Variants in OR51E2 observed in about 807,000 individuals in gnomAD.
OR51E2 encodes olfactory receptor 51E2.
OR51E2 carries 14 observed loss-of-function variants against 13.7 expected under a neutral mutation model. The ratio of observed to expected loss-of-function variants is 1.02; its 90% CI spans 0.68 to 1.60. The LOEUF (loss-of-function observed/expected upper bound fraction) is 1.60, where lower values mean the gene tolerates loss of function less well. OR51E2 is among the 40% of genes most tolerant of loss of function. The probability of loss-of-function intolerance (pLI) is 0.00; values close to 1 mark genes in which losing one functional copy is unlikely to be tolerated. For missense variants in OR51E2, 483 were observed against 413.8 expected, an observed-to-expected ratio of 1.17 and a Z score of -1.45; for synonymous variants, 180 against 157.6, an observed-to-expected ratio of 1.14 and a Z score of -1.07.
Position 4,680,753 on chromosome 11 carries a change from T to G in OR51E2, c.*996A>C, listed in dbSNP as rs750170955. 4 of 152,400 alleles carry G rather than the reference T, an allele frequency of 2.6e-5. No homozygotes were observed. Among genetic ancestry groups the G allele is most frequent in the Non-Finnish European group, 5.9e-5 (4 of 68,046 alleles). 9.4% of individuals were successfully genotyped at this position (152,400 alleles called of 1,614,324 possible). A position where few individuals can be genotyped will look rare whatever the true frequency, so the allele number is the denominator to read the frequency against. ...ATTGTGAGCACACATGAGATGTTCATTGGCATTATTATTAAGGGCTTATAT... is the reference window on the plus strand; with the variant it reads ...ATTGTGAGCACACATGAGATGTTCAGTGGCATTATTATTAAGGGCTTATAT... On this transcript the variant is annotated 3_prime_UTR_variant, in exon 2 of 2. Coordinates refer to ENST00000396950, the MANE Select transcript of OR51E2 (RefSeq NM_030774.4).
chr11:4,689,662 T>C (rs1847554303), intron 1 of OR51E2, among the ~76,000 whole-genome samples: 1 of 152,150 alleles, frequency 6.6e-6, no homozygotes, highest in Non-Finnish European at 1.5e-5. Context: ...AATTGAGCCA[T>C]TACATGACCA....
intron 1 of OR51E2, among the ~76,000 whole-genome samples, chr11:4,693,565 C>CA (rs1220170171): frequency 2.6e-5 from 4 of 151,926 alleles, no homozygotes; most frequent in Admixed American, 1.3e-4. Context: ...ACTAAAAATA[C>CA]AAAAAATTAG....
Position 4,680,355 on chromosome 11 carries a change from C to A in OR51E2, c.*1394G>T, listed in dbSNP as rs147172970. The A allele has an allele frequency of 2.0e-5, 3 of 152,280 alleles. No individual in the cohort carries two copies. Among genetic ancestry groups the A allele is most frequent in the African/African-American group, 7.3e-5 (3 of 41,370 alleles). The allele number at this position is 152,280 out of a possible 1,614,324, so 9.4% of individuals were successfully genotyped here. ...TGGAAAAAAGCAAGCAATAAGATCA[C>A]GAAAGGCAGCTGTAAAACAGGATTA... On this transcript the variant is annotated 3_prime_UTR_variant, in exon 2 of 2. Coordinates refer to ENST00000396950, the MANE Select transcript of OR51E2 (RefSeq NM_030774.4).
intron 1 of OR51E2, among the ~76,000 whole-genome samples, chr11:4,686,658 T>G (rs932218034): frequency 1.3e-5 from 2 of 152,242 alleles, no homozygotes; most frequent in Non-Finnish European, 2.9e-5. Context: ...CGATCTTGTC[T>G]ATTTTTCCTT....
intron 1 of OR51E2, chr11:4,691,105 C>T (rs982229591): frequency 4.4e-6 from 2 of 456,728 alleles, no homozygotes; most frequent in Non-Finnish European, 8.8e-6. Context: ...GTCAGCCCAA[C>T]TGCACTGTTG....
intron 1 of OR51E2, among the ~76,000 whole-genome samples, chr11:4,685,281 A>G (rs2133246526): frequency 6.6e-6 from 1 of 152,184 alleles, no homozygotes; most frequent in South Asian, 2.1e-4. Context: ...AGCAACCTCA[A>G]AGCACCCACT....
At chr11:4,690,055 AATATAAATTAT>A (rs1187621197) in intron 1 of OR51E2, among the ~76,000 whole-genome samples, 2 of 148,058 alleles carry the variant, frequency 1.4e-5, no homozygotes, top group Non-Finnish European at 3.0e-5. Context: ...AATTTTTACA[AATATAAATTAT>A]ATATAAATTA....
chr11:4,682,408 A>G lies in OR51E2; in HGVS notation c.304T>C (p.Phe102Leu). 1.2e-6 allele frequency: 2 copies of G among 1,614,244 alleles called. No individual in the cohort carries two copies. Among genetic ancestry groups the G allele is most frequent in the Non-Finnish European group, 1.7e-6 (2 of 1,180,034 alleles). The change falls in exon 2 of 2, where the codon TTT becomes CTT. Residue 102 changes from phenylalanine to leucine, a missense_variant. By Grantham distance (22) the Phe-to-Leu change is conservative (BLOSUM62 0). Coordinates refer to ENST00000396950, the MANE Select transcript of OR51E2 (RefSeq NM_030774.4). ...SFEACLTQMF[F>L]IHALSAIEST... The stretch of plus-strand genomic sequence containing the variant: ...TCAATGGCTGAGAGGGCATGAATAA[A>G]GAACATCTGGGTAAGACAGGCCTCA...
At chr11:4,695,069 G>A (rs1847639300) in intron 1 of OR51E2, among the ~76,000 whole-genome samples, 1 of 152,124 alleles carries the variant, frequency 6.6e-6, no homozygotes, top group Non-Finnish European at 1.5e-5. Flanking sequence ...GTGAGGCTAG[G>A]TGCTGTGGGA....
chr11:4,687,985 G>C (rs997789481), intron 1 of OR51E2, among the ~76,000 whole-genome samples: 1 of 152,170 alleles, frequency 6.6e-6, no homozygotes, highest in Non-Finnish European at 1.5e-5. Flanking sequence ...ATTGTACAGA[G>C]GGGAAGCAAT....
At chr11:4,695,692 C>T (rs1199736319) in intron 1 of OR51E2, among the ~76,000 whole-genome samples, 3 of 152,028 alleles carry the variant, frequency 2.0e-5, no homozygotes, top group Admixed American at 2.0e-4. Context: ...TTTTTCTCTC[C>T]CTCATCTCAA....
chr11:4,692,020 A>G (rs1847588071), intron 1 of OR51E2: 1 of 339,006 alleles, frequency 2.9e-6, no homozygotes, highest in South Asian at 2.5e-5. Context: ...AAGAATAAAC[A>G]CTTTACCCTG....
At chr11:4,692,557 A>G (rs2133251783) in intron 1 of OR51E2, among the ~76,000 whole-genome samples, 2 of 152,346 alleles carry the variant, frequency 1.3e-5, no homozygotes, top group Admixed American at 1.3e-4. Context: ...TATTGCAAAC[A>G]TCACATTTCT....
chr11:4,682,284 A>G lies in OR51E2; in HGVS notation c.428T>C (p.Ile143Thr), dbSNP rs374080785. The change falls in exon 2 of 2, where the codon ATT becomes ACT. Residue 143 changes from isoleucine to threonine, a missense_variant. Physicochemically the swap from Ile to Thr is moderately conservative, Grantham distance 89 (BLOSUM62 -1). Transcript: ENST00000396950. ...AVLNNTVTAQIGIVAVVRGSL... is the reference protein window; with the variant it reads ...AVLNNTVTAQTGIVAVVRGSL... ...TCCGCGGACCACAGCCACGATGCCA[A>G]TCTGGGCTGTTACTGTATTGTTGAG... 6.2e-6 allele frequency: 10 copies of G among 1,614,208 alleles called. No individual in the cohort carries two copies. The Admixed American group carries it at 8.3e-5, about 13-fold the overall frequency.
At chr11:4,691,042 C>T (rs1847571773) in intron 1 of OR51E2, 1 of 456,510 alleles carries the variant, frequency 2.2e-6, no homozygotes, top group Non-Finnish European at 4.4e-6. Context: ...ATGATCAAAA[C>T]ATAAGAAAGG....
At chr11:4,683,378 A>G (rs1847480216) in intron 1 of OR51E2, among the ~76,000 whole-genome samples, 1 of 152,248 alleles carries the variant, frequency 6.6e-6, no homozygotes, top group Non-Finnish European at 1.5e-5. Context: ...CAGAGGAATA[A>G]GAAGCACAGC....
chr11:4,682,500 G>C lies in OR51E2; in HGVS notation c.212C>G (p.Ala71Gly), dbSNP rs759707123. 2 of 1,614,114 alleles carry C rather than the reference G, an allele frequency of 1.2e-6. No homozygotes were observed. Among genetic ancestry groups the C allele is most frequent in the Admixed American group, 3.3e-5 (2 of 60,006 alleles). The part of the protein sequence containing the change: ...FLCMLAAIDL[A>G]LSTSTMPKIL... Reference sequence around the variant, plus strand: ...CTTAGGCATGGTGGATGTGGATAAGGCCAGGTCAATGGCTGCAAGCATGCA... The same window carrying C: ...CTTAGGCATGGTGGATGTGGATAAGCCCAGGTCAATGGCTGCAAGCATGCA... Residue 71 changes from alanine (A) to glycine (G), a missense_variant, in exon 2 of 2, where the codon GCC (alanine) becomes GGC (glycine). By Grantham distance (60) the Ala-to-Gly change is moderately conservative. Coordinates refer to ENST00000396950, the MANE Select transcript of OR51E2 (RefSeq NM_030774.4).
intron 1 of OR51E2, among the ~76,000 whole-genome samples, chr11:4,683,627 G>C (rs1041585417): frequency 8.5e-5 from 13 of 152,192 alleles, no homozygotes; most frequent in Admixed American, 3.3e-4. Context: ...AGTTTGAGTT[G>C]AGTCCTTACT....
rs771709241 is a variant in OR51E2 at position 4,682,276 on chromosome 11, C to T, written c.436G>A (p.Val146Met). ...NNTVTAQIGIVAVVRGSLFFF... is the reference protein window; with the variant it reads ...NNTVTAQIGIMAVVRGSLFFF... ...AAGAGGGATCCGCGGACCACAGCCA[C>T]GATGCCAATCTGGGCTGTTACTGTA... The change falls in exon 2 of 2, where the codon GTG (valine) becomes ATG (methionine). Residue 146 changes from valine (V) to methionine (M), a missense_variant. By Grantham distance (21) the Val-to-Met change is conservative (BLOSUM62 1). Transcript: ENST00000396950. 116 of 1,614,046 alleles carry T rather than the reference C, an allele frequency of 7.2e-5. No homozygotes were observed. Among genetic ancestry groups the T allele is most frequent in the Non-Finnish European group, 8.8e-5 (104 of 1,180,056 alleles).
Sources: allele counts gnomAD v4.1 joint callset (sites outside exome capture counted in the v4.1 genomes callset), GRCh38; gene constraint gnomAD v4.1.1; transcripts MANE v1.5; gene names NCBI Gene and HGNC (gene_info 2026-07-23, HGNC 2026-07-21).